The following STARD13 variants were observed in gnomAD, a reference collection of about 807,000 sequenced individuals.
STARD13 encodes the protein StAR related lipid transfer domain containing 13, also known as stAR-related lipid transfer protein 13.
STARD13 carries 62 observed loss-of-function variants against 106.4 expected under a neutral mutation model. The ratio of observed to expected loss-of-function variants is 0.58; its 90% confidence interval spans 0.48 to 0.72. The LOEUF (loss-of-function observed/expected upper bound fraction) is 0.72. Among genes scored for constraint, STARD13 ranks in the 30% least tolerant of loss-of-function variants. The pLI is 0.00. For synonymous variants in STARD13, 565 were observed against 553.0 expected (o/e 1.02, Z -0.31); for missense variants, 1,387 against 1,424.0 (o/e 0.97, Z 0.42).
chr13:33,427,608 C>T, the STARD13 span, among the ~76,000 whole-genome samples: 2 of 152,060 alleles, frequency 1.3e-5, no homozygotes, highest in Non-Finnish European at 2.9e-5. Context: ...AAATGGTAGC[C>T]AGTAGTTATA....
chr13:33,590,947 TTAAAAGTCTCCTCGTACTTGTA>T, the STARD13 span, among the ~76,000 whole-genome samples: 39 of 152,354 alleles, frequency 2.6e-4, no homozygotes, highest in Admixed American at 5.2e-4. Flanking sequence ...TCTGCAATTT[TTAAAAGTCTCCTCGTACTTGTA>T]TAACAGAGCA....
chr13:33,436,526 T>G, the STARD13 span, among the ~76,000 whole-genome samples: 4 of 152,364 alleles, frequency 2.6e-5, no homozygotes, highest in African/African-American at 7.2e-5. Flanking sequence ...AATTAATTTT[T>G]CATTCCATTA....
At chr13:33,444,682 C>A in the STARD13 span, among the ~76,000 whole-genome samples, 1 of 152,136 alleles carries the variant, frequency 6.6e-6, no homozygotes, top group Non-Finnish European at 1.5e-5. Flanking sequence ...GCAGGAGGAT[C>A]ACTTGAACCC....
chr13:33,487,230 T>A, the STARD13 span, among the ~76,000 whole-genome samples: 1 of 152,188 alleles, frequency 6.6e-6, no homozygotes, highest in Non-Finnish European at 1.5e-5. Context: ...GTAAGGAAAA[T>A]CTTAGCAGCT....
the STARD13 span, among the ~76,000 whole-genome samples, chr13:33,601,036 G>A: frequency 6.6e-6 from 1 of 152,212 alleles, no homozygotes; most frequent in South Asian, 2.1e-4. Flanking sequence ...TCATTAACAT[G>A]GGAATTCTAC....
the STARD13 span, among the ~76,000 whole-genome samples, chr13:33,544,452 C>T: frequency 6.6e-6 from 1 of 152,210 alleles, no homozygotes; most frequent in Admixed American, 6.5e-5. Flanking sequence ...AACTTTTGTG[C>T]TTGCTACAAA....
chr13:33,605,156 T>C, the STARD13 span, among the ~76,000 whole-genome samples: 1 of 151,202 alleles, frequency 6.6e-6, no homozygotes, highest in Non-Finnish European at 1.5e-5. Flanking sequence ...GAAGGATGGC[T>C]TGAGCTCAGG....
At chr13:33,479,753 T>C in the STARD13 span, among the ~76,000 whole-genome samples, 2 of 152,162 alleles carry the variant, frequency 1.3e-5, no homozygotes, top group East Asian at 1.9e-4. Flanking sequence ...CACCATTCTC[T>C]TGGCGCTGTT....
chr13:33,576,293 A>T, the STARD13 span, among the ~76,000 whole-genome samples: 5 of 152,104 alleles, frequency 3.3e-5, no homozygotes, highest in African/African-American at 1.2e-4. Flanking sequence ...CTCCATCATA[A>T]CTCACTGCAG....
chr13:33,499,564 C>A, the STARD13 span, among the ~76,000 whole-genome samples: 2 of 63,354 alleles, frequency 3.2e-5, no homozygotes, highest in South Asian at 1.3e-3. Flanking sequence ...TCTTCTTCTT[C>A]TTCTTCTTCT....
the STARD13 span, among the ~76,000 whole-genome samples, chr13:33,538,198 G>A: frequency 6.6e-6 from 1 of 152,164 alleles, no homozygotes; most frequent in African/African-American, 2.4e-5. Flanking sequence ...GATCTTGAGA[G>A]GGCAAGATCC....
chr13:33,631,842 C>T, the STARD13 span, among the ~76,000 whole-genome samples: 2 of 151,988 alleles, frequency 1.3e-5, no homozygotes. Flanking sequence ...ATCTGGTGAG[C>T]ACATAAAAGT....
At chr13:33,287,678 G>A (rs778470062), upstream of STARD13, among the ~76,000 whole-genome samples, 10 of 152,172 alleles carry the variant, frequency 6.6e-5, no homozygotes, top group Non-Finnish European at 1.5e-4. Flanking sequence ...AGTCCGCACC[G>A]GTGGCCGTCC....
In STARD13 at chr13:33,112,892, G is replaced by T; in HGVS notation, c.2321C>A (p.Ala774Asp). 6.2e-7 allele frequency: 1 copy of T among 1,613,214 alleles called. No individual in the cohort carries two copies. The highest frequency in any genetic ancestry group is 2.2e-5 in the East Asian group (1 of 44,872). Residue 774 changes from alanine (A) to aspartate (D), a missense_variant, in exon 9 of 14, where the codon GCC (alanine) becomes GAC (aspartate). Transcript: ENST00000336934. The stretch of plus-strand genomic sequence containing the variant: ...GTTCTCATCGGCCAGTAGCAGGATG[G>T]CAGCCTGCACGGCCTGCAGCCGCTG... Reference protein sequence around the residue: ...KEQRLQAVQAAILLLADENRE... With the variant: ...KEQRLQAVQADILLLADENRE...
intron 1 of STARD13, among the ~76,000 whole-genome samples, chr13:33,228,806 G>A (rs1227508822): frequency 6.6e-6 from 1 of 152,090 alleles, no homozygotes; most frequent in Admixed American, 6.6e-5. Flanking sequence ...AAAAAGGCCA[G>A]AATTAAAACA....
intron 1 of STARD13, among the ~76,000 whole-genome samples, chr13:33,171,676 T>C (rs1883980550): frequency 6.6e-6 from 1 of 152,198 alleles, no homozygotes; most frequent in African/African-American, 2.4e-5. Flanking sequence ...CAATAGTCAT[T>C]TGGGGGCTGA....
the STARD13 span, among the ~76,000 whole-genome samples, chr13:33,457,590 A>G: frequency 6.6e-6 from 1 of 152,188 alleles, no homozygotes; most frequent in South Asian, 2.1e-4. Context: ...ACTACCATAG[A>G]CTGGGTGGCT....
At chr13:33,433,483 A>C in the STARD13 span, among the ~76,000 whole-genome samples, 318 of 152,272 alleles carry the variant, frequency 2.1e-3, 1 homozygote, top group African/African-American at 7.2e-3. Flanking sequence ...ATCACCAGGA[A>C]TCACCTTGCA....
chr13:33,411,648 A>C, the STARD13 span, among the ~76,000 whole-genome samples: 22 of 152,314 alleles, frequency 1.4e-4, 1 homozygote, highest in Admixed American at 1.4e-3. Flanking sequence ...TTTTCAAAAA[A>C]TAAAGAAGTA....
Sources: allele counts gnomAD v4.1 joint callset (sites outside exome capture counted in the v4.1 genomes callset), GRCh38; gene constraint gnomAD v4.1.1; transcripts MANE v1.5; gene names NCBI Gene and HGNC (gene_info 2026-07-23, HGNC 2026-07-21).